Variants in GRIN2B observed in about 807,000 individuals in gnomAD.
GRIN2B encodes glutamate ionotropic receptor NMDA type subunit 2B, also known as glutamate receptor ionotropic, NMDA 2B.
In GRIN2B, 5 loss-of-function variants were observed where a neutral mutation model predicts 114.5. The observed-to-expected ratio is 0.04, with a 90% CI of 0.02 to 0.09. The LOEUF (loss-of-function observed/expected upper bound fraction) is 0.09. Ranked by LOEUF, GRIN2B falls within the 10% of genes least tolerant of loss-of-function variation. GRIN2B has a pLI of 1.00. For missense variants in GRIN2B, 1,108 were observed against 1,943.5 expected (o/e 0.57, Z 8.08); for synonymous variants, 787 against 745.1 (o/e 1.06, Z -0.92).
At chr12:13,830,745 C>A (rs1051452801) in intron 3 of GRIN2B, among the ~76,000 whole-genome samples, 1 of 152,190 alleles carries the variant, frequency 6.6e-6, no homozygotes, top group Admixed American at 6.5e-5. Context: ...GCTTAATTCA[C>A]GGGCAACATT....
intron 4 of GRIN2B, among the ~76,000 whole-genome samples, chr12:13,747,352 CAGA>C (rs1478481786): frequency 6.6e-6 from 1 of 152,204 alleles, no homozygotes; most frequent in African/African-American, 2.4e-5. Context: ...TAGAGGAAAA[CAGA>C]AGAGTTTGAA....
chr12:13,585,798 C>T (rs893126570), intron 10 of GRIN2B, among the ~76,000 whole-genome samples: 3 of 152,184 alleles, frequency 2.0e-5, no homozygotes, highest in Admixed American at 2.0e-4. Context: ...CTATCGAAGA[C>T]CAAACAGCCA....
intron 2 of GRIN2B, among the ~76,000 whole-genome samples, chr12:13,937,085 A>G (rs1867141577): frequency 3.0e-5 from 1 of 33,828 alleles, no homozygotes. Context: ...GCACAGAAAT[A>G]AAAAAAAAAA....
intron 2 of GRIN2B, among the ~76,000 whole-genome samples, chr12:13,901,427 T>A (rs1180791004): frequency 1.3e-5 from 2 of 152,130 alleles, no homozygotes. Context: ...ACCCTGTATA[T>A]ATTTTGGATA....
intron 4 of GRIN2B, among the ~76,000 whole-genome samples, chr12:13,698,322 G>T (rs1277804994): frequency 1.3e-5 from 2 of 152,236 alleles, no homozygotes; most frequent in Admixed American, 6.5e-5. Flanking sequence ...CACAAGGAGA[G>T]CCCCTATAGA....
At chr12:13,566,563 T>C (rs1267502328) in intron 13 of GRIN2B, among the ~76,000 whole-genome samples, 1 of 152,212 alleles carries the variant, frequency 6.6e-6, no homozygotes, top group African/African-American at 2.4e-5. Flanking sequence ...TCTTCAACTC[T>C]CCATAACCAA....
intron 4 of GRIN2B, among the ~76,000 whole-genome samples, chr12:13,707,332 A>G (rs553795763): frequency 2.2e-4 from 34 of 152,128 alleles, no homozygotes; most frequent in Non-Finnish European, 4.4e-4. Context: ...TTTAACGGAT[A>G]TTTTATGAAA....
intron 2 of GRIN2B, among the ~76,000 whole-genome samples, chr12:13,955,890 G>A (rs572910367): frequency 5.9e-5 from 9 of 152,258 alleles, no homozygotes; most frequent in Admixed American, 5.9e-4. Context: ...TCTCCAGGGG[G>A]CCCCAGCTGC....
intron 2 of GRIN2B, among the ~76,000 whole-genome samples, chr12:13,876,448 C>T (rs183900092): frequency 1.3e-5 from 2 of 152,280 alleles, no homozygotes; most frequent in Non-Finnish European, 2.9e-5. Flanking sequence ...CTTCTGCCCT[C>T]CCACCTCCTT....
chr12:13,819,771 C>CA lies in GRIN2B; in HGVS notation c.411+46026dup, dbSNP rs532399331. Among the ~76,000 whole-genome samples, 93 of 152,180 alleles carry CA rather than the reference C, an allele frequency of 6.1e-4. 1 individual carries two copies. The highest frequency in any genetic ancestry group is 6.0e-3 in the South Asian group (29 of 4,820). ...TCATATTTTAATGCTAAATAAACTA[C>CA]AAAAAAATCCTTTGCATATCTGAAC... On this transcript the variant is annotated intron_variant, in intron 3 of 13. Transcript: ENST00000609686.
At chr12:13,671,601 C>G (rs772372819) in intron 5 of GRIN2B, among the ~76,000 whole-genome samples, 1 of 152,158 alleles carries the variant, frequency 6.6e-6, no homozygotes, top group Non-Finnish European at 1.5e-5. Context: ...ACAATTCCCC[C>G]CAAGTCCTTC....
chr12:13,866,671 C>T (rs1456393378), intron 2 of GRIN2B, among the ~76,000 whole-genome samples: 1 of 152,296 alleles, frequency 6.6e-6, no homozygotes, highest in Non-Finnish European at 1.5e-5. Flanking sequence ...GCTGGATAAA[C>T]TGGATGTGGG....
chr12:13,753,783 A>G lies in GRIN2B; in HGVS notation c.544T>C (p.Phe182Leu). The change falls in exon 4 of 14, where the codon TTT (phenylalanine) becomes CTT (leucine). Residue 182 changes from phenylalanine (F) to leucine (L), a missense_variant. By Grantham distance (22) the Phe-to-Leu change is conservative. Around this residue, in one of 19 missense-constraint regions of GRIN2B, gnomAD observed 199 missense variants for 439.6 expected, o/e 0.45. Coordinates refer to ENST00000609686, the MANE Select transcript of GRIN2B (RefSeq NM_000834.5). The surrounding 1 kb of genome is among the most constrained non-coding windows in gnomAD (Gnocchi z 6.2). ...VTTYFPGYQD[F>L]VNKIRSTIEN... Reference sequence around the variant, plus strand: ...ATGGTGCTGCGGATCTTGTTTACAAAGTCCTGGTAGCCAGGGAAATAGGTG... The same window carrying G: ...ATGGTGCTGCGGATCTTGTTTACAAGGTCCTGGTAGCCAGGGAAATAGGTG... The G allele has an allele frequency of 1.2e-6, 2 of 1,613,842 alleles. No individual in the cohort carries two copies. The highest frequency in any genetic ancestry group is 8.5e-7 in the Non-Finnish European group (1 of 1,179,782).
intron 10 of GRIN2B, among the ~76,000 whole-genome samples, chr12:13,605,565 AC>A (rs1565472571): frequency 7.4e-6 from 1 of 134,590 alleles, no homozygotes; most frequent in African/African-American, 2.8e-5. Context: ...ACACACACAC[AC>A]ACACACACAC....
intron 4 of GRIN2B, among the ~76,000 whole-genome samples, chr12:13,747,893 A>G (rs886320887): frequency 6.6e-6 from 1 of 152,226 alleles, no homozygotes; most frequent in Non-Finnish European, 1.5e-5. Context: ...TTAACCTTTC[A>G]GCACTTTCCA....
intron 2 of GRIN2B, among the ~76,000 whole-genome samples, chr12:13,915,538 C>G (rs147448180): frequency 8.5e-4 from 129 of 152,344 alleles, no homozygotes; most frequent in African/African-American, 3.1e-3. Flanking sequence ...CAACACTGCT[C>G]AAACAGGACT....
At chr12:13,719,110 G>A (rs2268118) in intron 4 of GRIN2B, among the ~76,000 whole-genome samples, 24 of 151,806 alleles carry the variant, frequency 1.6e-4, no homozygotes, top group South Asian at 6.2e-4. Flanking sequence ...TCATCACCAC[G>A]CACTCTCTTC....
At chr12:13,877,614 C>A (rs1229984137) in intron 2 of GRIN2B, among the ~76,000 whole-genome samples, 1 of 152,178 alleles carries the variant, frequency 6.6e-6, no homozygotes, top group African/African-American at 2.4e-5. Flanking sequence ...AGGAGGCACA[C>A]AGACTGAGGA....
chr12:13,902,897 A>G (rs1239996237), intron 2 of GRIN2B, among the ~76,000 whole-genome samples: 1 of 152,204 alleles, frequency 6.6e-6, no homozygotes, highest in Non-Finnish European at 1.5e-5. Context: ...ACACTTTTTT[A>G]GAAAGATTTC....
Sources: allele counts gnomAD v4.1 joint callset (sites outside exome capture counted in the v4.1 genomes callset), GRCh38; gene constraint gnomAD v4.1.1; regional missense constraint gnomAD v4.1.1; non-coding constraint Gnocchi (gnomAD v3.1); transcripts MANE v1.5; gene names NCBI Gene and HGNC (gene_info 2026-07-23, HGNC 2026-07-21).